The following ZNF141 variants were observed in gnomAD, a reference collection of about 807,000 sequenced individuals.
ZNF141 encodes zinc finger protein 141.
In ZNF141, 7 loss-of-function variants were observed where a neutral mutation model predicts 11.3. The observed-to-expected ratio is 0.62, with a 90% CI of 0.35 to 1.16. ZNF141 has a LOEUF of 1.16. Ranked by LOEUF, ZNF141 falls within the 50% of genes most tolerant of loss-of-function variation. The pLI, the probability that ZNF141 is intolerant of heterozygous loss-of-function variation, is 0.02. For missense variants in ZNF141, 535 were observed against 554.0 expected (o/e 0.97, Z 0.34); for synonymous variants, 183 against 190.7 (o/e 0.96, Z 0.33).
chr4:377,913 T>C lies in ZNF141; in HGVS notation c.*4051T>C, dbSNP rs1329932291. 2.6e-5 allele frequency: 4 copies of C among 152,158 alleles called. No individual in the cohort carries two copies. Among genetic ancestry groups the C allele is most frequent in the Non-Finnish European group, 5.9e-5 (4 of 68,026 alleles). The allele number at this position is 152,158 out of a possible 1,614,324, so 9.4% of individuals were successfully genotyped here. A position where few individuals can be genotyped will look rare whatever the true frequency, so the allele number is the denominator to read the frequency against. Reference sequence around the variant, plus strand: ...AGGTGGCGGTGGTTCACACCTGTAATCCCAGCACTTTGGGAGGCCGAGATG... The same window carrying C: ...AGGTGGCGGTGGTTCACACCTGTAACCCCAGCACTTTGGGAGGCCGAGATG... On this transcript the variant is annotated 3_prime_UTR_variant, in exon 4 of 4. Transcript: ENST00000240499.
In ZNF141 at chr4:344,316, T is replaced by A; in HGVS notation, c.131-19T>A. 3 of 1,598,190 alleles carry A rather than the reference T, an allele frequency of 1.9e-6. No individual in the cohort carries two copies. Among genetic ancestry groups the A allele is most frequent in the Non-Finnish European group, 2.6e-6 (3 of 1,168,374 alleles). On this transcript the variant is annotated intron_variant, in intron 2 of 3. Transcript: ENST00000240499. ...TCCCCATCAATAGTCATGTTATTATTTTTTTTAAAATAAAACAGGTGTTGC... is the reference window on the plus strand; with the variant it reads ...TCCCCATCAATAGTCATGTTATTATATTTTTTAAAATAAAACAGGTGTTGC...
chr4:338,071 CGGA>C (rs1720875480), intron 1 of ZNF141, 85 bp downstream of exon 1: 1 of 1,578,600 alleles, frequency 6.3e-7, no homozygotes. Flanking sequence ...AGTCTGCGAA[CGGA>C]GTCCCCGCTG....
At chr4:360,421 G>A (rs543653889) in intron 3 of ZNF141, among the ~76,000 whole-genome samples, 62 of 152,192 alleles carry the variant, frequency 4.1e-4, no homozygotes, top group South Asian at 2.1e-4. Flanking sequence ...TTATTGCGGC[G>A]CATGGCATGT....
intron 3 of ZNF141, among the ~76,000 whole-genome samples, chr4:357,962 G>T (rs948577345): frequency 1.3e-5 from 2 of 151,228 alleles, no homozygotes; most frequent in South Asian, 4.2e-4. Context: ...TTCGTGATTC[G>T]CCCGCCTCAG....
At position 373,456 on chromosome 4, in the gene ZNF141, CAT is replaced by C. The variant is rs782523331; in HGVS notation, c.1020_1021del (p.Cys341Ter). 1.5e-5 allele frequency: 24 copies of C among 1,610,732 alleles called. No individual in the cohort carries two copies. Among genetic ancestry groups the C allele is most frequent in the African/African-American group, 1.4e-5 (1 of 73,820 alleles). On this transcript the variant is annotated frameshift_variant, in exon 4 of 4. Coordinates refer to ENST00000240499, the MANE Select transcript of ZNF141 (RefSeq NM_003441.4). LOFTEE classifies it low-confidence loss of function (END_TRUNC). ...ATTCATACTGGAGAGAAACCCTACA[CAT>C]GTGAAGAATGTGGCAAAGCTTTTAG...
At chr4:353,818 C>T (rs1721721637) in intron 3 of ZNF141, among the ~76,000 whole-genome samples, 2 of 152,202 alleles carry the variant, frequency 1.3e-5, no homozygotes, top group South Asian at 2.1e-4. Context: ...TGTGATTCTA[C>T]GTCTCCTCCA....
At chr4:359,300 A>G (rs1722000971) in intron 3 of ZNF141, among the ~76,000 whole-genome samples, 1 of 151,576 alleles carries the variant, frequency 6.6e-6, no homozygotes, top group African/African-American at 2.4e-5. Context: ...GGTGCTGAGA[A>G]AAAAAAAACC....
chr4:347,858 T>G (rs1721410948), intron 3 of ZNF141, among the ~76,000 whole-genome samples: 3 of 152,134 alleles, frequency 2.0e-5, no homozygotes, highest in African/African-American at 7.2e-5. Context: ...TAACTTTTTT[T>G]TTTTTTTGGA....
At chr4:370,001 G>A (rs897895140) in intron 3 of ZNF141, among the ~76,000 whole-genome samples, 5 of 151,404 alleles carry the variant, frequency 3.3e-5, no homozygotes, top group Admixed American at 1.3e-4. Flanking sequence ...TCCTGACCTC[G>A]TGATCCACCT....
At chr4:371,563 A>G (rs941287080) in intron 3 of ZNF141, among the ~76,000 whole-genome samples, 40 of 113,572 alleles carry the variant, frequency 3.5e-4, no homozygotes, top group Non-Finnish European at 6.6e-4. Context: ...TGTGTGTGTC[A>G]GAGTCTCGCT....
chr4:368,644 T>A (rs1711867876), intron 3 of ZNF141, among the ~76,000 whole-genome samples: 1 of 152,264 alleles, frequency 6.6e-6, no homozygotes, highest in South Asian at 2.1e-4. Flanking sequence ...TCAGTAACAA[T>A]GCTACAATAA....
chr4:340,031 T>C (rs1318305117), intron 1 of ZNF141, among the ~76,000 whole-genome samples: 1 of 152,246 alleles, frequency 6.6e-6, no homozygotes, highest in East Asian at 1.9e-4. Flanking sequence ...GTTTTGGCAG[T>C]CTCTTAGTAG....
intron 3 of ZNF141, among the ~76,000 whole-genome samples, chr4:347,239 G>A (rs1434533688): frequency 7.3e-5 from 11 of 151,332 alleles, no homozygotes; most frequent in Non-Finnish European, 1.2e-4. Flanking sequence ...GTTTCTCCAC[G>A]TTGGTCAGGC....
chr4:363,527 C>T (rs575257884), intron 3 of ZNF141, among the ~76,000 whole-genome samples: 41 of 152,080 alleles, frequency 2.7e-4, no homozygotes, highest in Middle Eastern at 3.4e-3. Flanking sequence ...GAGGCCAAGG[C>T]GGGCAGATCA....
At chr4:371,457 CTT>C (rs1251108839) in intron 3 of ZNF141, among the ~76,000 whole-genome samples, 1 of 152,008 alleles carries the variant, frequency 6.6e-6, no homozygotes, top group Non-Finnish European at 1.5e-5. Flanking sequence ...TTTTCAATCT[CTT>C]GACCTCGTGA....
At position 381,998 on chromosome 4, in the gene ZNF141, T is replaced by C. The variant is rs1394675597; in HGVS notation, c.*8136T>C. Among the ~76,000 whole-genome samples the C allele has an allele frequency of 7.0e-6, 1 of 142,986 alleles. No homozygotes were observed. The highest frequency in any genetic ancestry group is 1.5e-5 in the Non-Finnish European group (1 of 66,756). The allele number at this position is 142,986 out of a possible 152,430, so 93.8% of individuals were successfully genotyped here. On this transcript the variant is annotated 3_prime_UTR_variant, in exon 4 of 4. Transcript: ENST00000240499. ...AGTCTCACTCTCGCCCAGGCTGGAG[T>C]GCAGTGGCTCGATCTCGGCTCACTG...
chr4:356,588 A>T (rs1721851527), intron 3 of ZNF141, among the ~76,000 whole-genome samples: 1 of 152,124 alleles, frequency 6.6e-6, no homozygotes, highest in African/African-American at 2.4e-5. Flanking sequence ...CTGGAATTAG[A>T]GGTGTGAGCC....
chr4:343,465 C>T (rs1553848830), intron 1 of ZNF141, among the ~76,000 whole-genome samples: 1 of 152,152 alleles, frequency 6.6e-6, no homozygotes, highest in Admixed American at 6.5e-5. Flanking sequence ...GTGGCTCACG[C>T]CTGTAATCCC....
At position 376,555 on chromosome 4, in the gene ZNF141, T is replaced by G. The variant is rs1712374226; in HGVS notation, c.*2693T>G. On this transcript the variant is annotated 3_prime_UTR_variant, in exon 4 of 4. Transcript: ENST00000240499. ...TCATACATTTATGCATCCTGAATAC[T>G]TCTAAAAAATGTTTTACATTTCTCT... Among the ~76,000 whole-genome samples the G allele has an allele frequency of 6.6e-6, 1 of 152,124 alleles. No individual in the cohort carries two copies. The highest frequency in any genetic ancestry group is 2.4e-5 in the African/African-American group (1 of 41,450).
Sources: allele counts gnomAD v4.1 joint callset (sites outside exome capture counted in the v4.1 genomes callset), GRCh38; gene constraint gnomAD v4.1.1; transcripts MANE v1.5; gene names NCBI Gene and HGNC (gene_info 2026-07-23, HGNC 2026-07-21).